GRM1: variants seen among roughly 807,000 people sequenced by gnomAD.
GRM1 encodes glutamate metabotropic receptor 1, also known as metabotropic glutamate receptor 1.
GRM1 carries 33 observed loss-of-function variants against 90.9 expected under a neutral mutation model. That is an observed-to-expected ratio of 0.36 (90% CI 0.28 to 0.49). The LOEUF is 0.49. GRM1 is among the 20% of genes least tolerant of loss of function. The pLI, the probability that GRM1 is intolerant of heterozygous loss-of-function variation, is 0.99. For synonymous variants in GRM1, 700 were observed against 613.2 expected (o/e 1.14, Z -2.09); for missense variants, 1,190 against 1,534.3 (o/e 0.78, Z 3.75).
At chr6:146,278,899 G>A (rs1782468652) in intron 2 of GRM1, among the ~76,000 whole-genome samples, 1 of 152,246 alleles carries the variant, frequency 6.6e-6, no homozygotes, top group East Asian at 1.9e-4. Flanking sequence ...TAGAGTCGGG[G>A]TTTCACCGTG....
chr6:146,149,449 C>T (rs962798980), intron 1 of GRM1, among the ~76,000 whole-genome samples: 15 of 152,128 alleles, frequency 9.9e-5, no homozygotes, highest in African/African-American at 3.1e-4. Context: ...TGTAGAAAGA[C>T]GTGGAGAATA....
intron 1 of GRM1, among the ~76,000 whole-genome samples, chr6:146,151,054 T>C (rs1361617860): frequency 1.3e-5 from 2 of 152,130 alleles, no homozygotes; most frequent in East Asian, 3.9e-4. Flanking sequence ...ATTTTTTAAA[T>C]GCGACATTCT....
At chr6:146,365,738 T>C (rs766919904) in intron 5 of GRM1, among the ~76,000 whole-genome samples, 21 of 152,162 alleles carry the variant, frequency 1.4e-4, no homozygotes, top group Non-Finnish European at 2.9e-4. Context: ...AGATTTTACT[T>C]AAGTGGCAAC....
At chr6:146,268,173 AT>A (rs1781988683) in intron 2 of GRM1, among the ~76,000 whole-genome samples, 1 of 152,098 alleles carries the variant, frequency 6.6e-6, no homozygotes, top group African/African-American at 2.4e-5. Flanking sequence ...TTATCTCAAG[AT>A]TTTTGTTTTT....
At chr6:146,051,229 G>T (rs1417136823) in intron 1 of GRM1, among the ~76,000 whole-genome samples, 1 of 151,990 alleles carries the variant, frequency 6.6e-6, no homozygotes, top group Non-Finnish European at 1.5e-5. Context: ...TACTTCTCAT[G>T]CAGCTAACAA....
chr6:146,194,937 C>G lies in GRM1; in HGVS notation c.950+35340C>G, dbSNP rs117381032. On this transcript the variant is annotated intron_variant, in intron 2 of 7. Coordinates refer to ENST00000282753, the MANE Select transcript of GRM1 (RefSeq NM_001278064.2). ...TTAGTTTCGAGATGTTACCTAACCTCTCTGTGACTTGGTTTATTACATCAT... is the reference window on the plus strand; with the variant it reads ...TTAGTTTCGAGATGTTACCTAACCTGTCTGTGACTTGGTTTATTACATCAT... 3.8e-3 allele frequency among the ~76,000 whole-genome samples: 578 copies of G among 152,308 alleles called. 2 individuals are homozygous for G. The highest frequency in any genetic ancestry group is 6.2e-3 in the Non-Finnish European group (419 of 68,024).
chr6:146,376,473 T>G (rs552197775), intron 5 of GRM1, among the ~76,000 whole-genome samples: 1 of 152,270 alleles, frequency 6.6e-6, no homozygotes, highest in East Asian at 1.9e-4. Context: ...ATTGATTAAA[T>G]CCCTCAGCTT....
At chr6:146,128,986 A>G (rs1325706977) in intron 1 of GRM1, among the ~76,000 whole-genome samples, 1 of 152,212 alleles carries the variant, frequency 6.6e-6, no homozygotes, top group Non-Finnish European at 1.5e-5. Context: ...TGTGGTTTCC[A>G]GAAGCTTAAA....
intron 2 of GRM1, among the ~76,000 whole-genome samples, chr6:146,203,134 C>CACA (rs1030748811): frequency 1.8e-4 from 28 of 151,924 alleles, no homozygotes; most frequent in South Asian, 6.2e-4. Flanking sequence ...GCGGAGCTTG[C>CACA]AGTGAGCCAA....
intron 2 of GRM1, among the ~76,000 whole-genome samples, chr6:146,304,169 G>T (rs930638713): frequency 6.6e-6 from 1 of 152,094 alleles, no homozygotes; most frequent in Non-Finnish European, 1.5e-5. Context: ...ATCTATGTAA[G>T]GTAGCTCATG....
rs541867392 is a variant in GRM1, at chr6:146,240,703, G to T, written c.951-63908G>T. On this transcript the variant is annotated intron_variant, in intron 2 of 7. Transcript: ENST00000282753. ...GAAGGCTCTGGAAGGGAAAATAGAAGATATCTAGGCAATTTCCAGTCTTCT... is the reference window on the plus strand; with the variant it reads ...GAAGGCTCTGGAAGGGAAAATAGAATATATCTAGGCAATTTCCAGTCTTCT... 9.2e-5 allele frequency among the ~76,000 whole-genome samples: 14 copies of T among 152,232 alleles called. No homozygotes were observed. The East Asian group carries it at 2.5e-3, about 27-fold the overall frequency.
chr6:146,043,812 A>ATATATATATATATATATATAT (rs1791221207), intron 1 of GRM1, among the ~76,000 whole-genome samples: 2 of 70,340 alleles, frequency 2.8e-5, no homozygotes, highest in South Asian at 5.7e-4. Flanking sequence ...TATATATATA[A>ATATATATATATATATATATAT]AGGGAAGTGA....
chr6:146,323,306 A>G (rs1784271891), intron 3 of GRM1, among the ~76,000 whole-genome samples: 1 of 152,136 alleles, frequency 6.6e-6, no homozygotes, highest in East Asian at 1.9e-4. Flanking sequence ...ATGATATCTC[A>G]TTGTGGTTTT....
chr6:146,383,503 C>A (rs974758549), intron 5 of GRM1, among the ~76,000 whole-genome samples: 2 of 151,980 alleles, frequency 1.3e-5, no homozygotes, highest in African/African-American at 2.4e-5. Context: ...GAAAAGATAT[C>A]TTTTATAATT....
chr6:146,398,812 C>T lies in GRM1; in HGVS notation c.1773C>T (p.Ile591=), dbSNP rs138083268. The stretch of plus-strand genomic sequence containing the variant: ...TGCGCTATCTTGAGTGGAGCAACAT[C>T]GAATCCATTATAGCCATCGCCTTTT... ...IPVRYLEWSN[I]ESIIAIAFSC... Residue 591 remains isoleucine (I), a synonymous_variant, in exon 7 of 8, where the codon ATC becomes ATT. Transcript: ENST00000282753. 1.3e-4 allele frequency: 202 copies of T among 1,613,540 alleles called. No individual in the cohort carries two copies. Among genetic ancestry groups the T allele is most frequent in the Non-Finnish European group, 1.5e-4 (180 of 1,179,622 alleles).
intron 2 of GRM1, among the ~76,000 whole-genome samples, chr6:146,222,710 C>G (rs890895528): frequency 6.6e-6 from 1 of 152,088 alleles, no homozygotes; most frequent in African/African-American, 2.4e-5. Flanking sequence ...GAAACGCCCC[C>G]ATAGATGCAC....
At chr6:146,369,720 T>C (rs186043155) in intron 5 of GRM1, among the ~76,000 whole-genome samples, 2 of 151,978 alleles carry the variant, frequency 1.3e-5, no homozygotes, top group Admixed American at 6.6e-5. Flanking sequence ...GATTTTGGGG[T>C]CTTATTTTGT....
intron 2 of GRM1, among the ~76,000 whole-genome samples, chr6:146,241,778 G>T (rs1001650509): frequency 2.0e-5 from 3 of 151,990 alleles, no homozygotes. Context: ...TTTCCACTTG[G>T]CAGAAGAGAG....
chr6:146,060,493 A>G (rs1332888251), intron 1 of GRM1, among the ~76,000 whole-genome samples: 1 of 152,176 alleles, frequency 6.6e-6, no homozygotes, highest in African/African-American at 2.4e-5. Context: ...AAATGAGAAC[A>G]TGTGACATTT....
Sources: gnomAD v4.1 joint callset for allele counts (sites outside exome capture counted in the v4.1 genomes callset) on GRCh38, gnomAD v4.1.1 for gene constraint, MANE v1.5 for transcripts, NCBI Gene and HGNC (gene_info 2026-07-23, HGNC 2026-07-21) for gene names.